The following EXOC3L4 variants were observed in gnomAD, a reference collection of about 807,000 sequenced individuals.
The protein encoded by EXOC3L4 is exocyst complex component 3 like 4, also known as exocyst complex component 3-like protein 4.
EXOC3L4 carries 62 observed loss-of-function variants against 69.7 expected under a neutral mutation model. That is an observed-to-expected ratio of 0.89 (90% CI 0.72 to 1.10). The LOEUF is 1.10. Among genes scored for constraint, EXOC3L4 ranks in the 50% least tolerant of loss-of-function variants. EXOC3L4 has a pLI of 0.00. For missense variants in EXOC3L4, 1,087 were observed against 1,034.8 expected (o/e 1.05, Z -0.69); for synonymous variants, 502 against 464.2 (o/e 1.08, Z -1.05).
At position 103,110,061 on chromosome 14, in the gene EXOC3L4, G is replaced by A; in HGVS notation, c.2007G>A (p.Leu669=). ...ACCACATACTGGCCATTCTGGCGCT[G>A]CGCCGACTGGGCCGCCAGCGGAACC... ...RRDHILAILA[L]RRLGRQRNQH... Residue 669 remains leucine (L), a synonymous_variant, in exon 12 of 12, where the codon CTG becomes CTA. Coordinates refer to ENST00000688303, the MANE Select transcript of EXOC3L4 (RefSeq NM_001077594.2). The A allele has an allele frequency of 6.2e-7, 1 of 1,600,856 alleles. No homozygotes were observed. Among genetic ancestry groups the A allele is most frequent in the Non-Finnish European group, 8.5e-7 (1 of 1,174,530 alleles).
At position 103,109,967 on chromosome 14, in the gene EXOC3L4, C is replaced by T. The variant is rs1890829748; in HGVS notation, c.1977-64C>T. 2.7e-6 allele frequency: 4 copies of T among 1,488,998 alleles called. No individual in the cohort carries two copies. In the African/African-American group the frequency reaches 5.6e-5, roughly 21 times the overall value. The allele number at this position is 1,488,998 out of a possible 1,614,324, so 92.2% of individuals were successfully genotyped here. A position where few individuals can be genotyped will look rare whatever the true frequency, so the allele number is the denominator to read the frequency against. On this transcript the variant is annotated intron_variant, in intron 11 of 11. Coordinates refer to ENST00000688303, the MANE Select transcript of EXOC3L4 (RefSeq NM_001077594.2). ...AACTCCCAAGCCCGTGGGTTCGCCT[C>T]ATGCTGGGGCTGGGGGTGTTGCGGA... is the stretch of plus-strand genomic sequence containing the variant.
rs1298984791 is a variant in EXOC3L4, at chr14:103,100,489, C to T, written c.270C>T (p.Ala90=). ...SCSLFRSFRQ[A]LNDGPATGHS... ...CCCTGTTCCGGTCCTTCCGGCAAGC[C>T]CTGAATGACGGCCCAGCTACCGGCC... The change falls in exon 2 of 12, where the codon GCC becomes GCT. Residue 90 remains alanine, a synonymous_variant. Transcript: ENST00000688303. The T allele has an allele frequency of 8.7e-6, 14 of 1,613,220 alleles. No homozygotes were observed. Among genetic ancestry groups the T allele is most frequent in the Non-Finnish European group, 1.0e-5 (12 of 1,179,956 alleles).
In EXOC3L4 at chr14:103,104,817, C is replaced by T; in HGVS notation, c.1364C>T (p.Ala455Val). The T allele has an allele frequency of 3.3e-6, 5 of 1,508,156 alleles. No homozygotes were observed. Among genetic ancestry groups the T allele is most frequent in the Non-Finnish European group, 4.5e-6 (5 of 1,121,818 alleles). 93.4% of individuals were successfully genotyped at this position (1,508,156 alleles called of 1,614,324 possible). Residue 455 changes from alanine to valine, a missense_variant, in exon 6 of 12, where the codon GCG becomes GTG. Transcript: ENST00000688303. Reference protein sequence around the residue: ...EATTLRICTRALGLFVPRFEK... With the variant: ...EATTLRICTRVLGLFVPRFEK... ...ACCACCCTGCGAATCTGCACGCGGGCGCTCGGCCTCTTCGTGCCCAGGTGC... is the reference window on the plus strand; with the variant it reads ...ACCACCCTGCGAATCTGCACGCGGGTGCTCGGCCTCTTCGTGCCCAGGTGC...
chr14:103,095,443 G>T (rs1212134895), intron 1 of EXOC3L4, among the ~76,000 whole-genome samples: 1 of 152,222 alleles, frequency 6.6e-6, no homozygotes, highest in African/African-American at 2.4e-5. Context: ...AAGGCTTCTT[G>T]GGGGAGGAGC....
At chr14:103,105,459 G>T (rs567890797) in intron 7 of EXOC3L4, among the ~76,000 whole-genome samples, 5 of 151,934 alleles carry the variant, frequency 3.3e-5, no homozygotes, top group African/African-American at 1.2e-4. Flanking sequence ...GCCTAGATGC[G>T]TGTGTCTTGT....
At position 103,110,324 on chromosome 14, in the gene EXOC3L4, C is replaced by T; in HGVS notation, c.*101C>T. 7.4e-7 allele frequency: 1 copy of T among 1,344,990 alleles called. No individual in the cohort carries two copies. The highest frequency in any genetic ancestry group is 1.3e-5 in the South Asian group (1 of 78,974). 83.3% of individuals were successfully genotyped at this position (1,344,990 alleles called of 1,614,324 possible). On this transcript the variant is annotated 3_prime_UTR_variant, in exon 12 of 12. Coordinates refer to ENST00000688303, the MANE Select transcript of EXOC3L4 (RefSeq NM_001077594.2). Reference sequence around the variant, plus strand: ...GTCACTCTGGGCCCTGCCCCCAACTCTGACACTGCAGTTAGGGAATTTTTG... The same window carrying T: ...GTCACTCTGGGCCCTGCCCCCAACTTTGACACTGCAGTTAGGGAATTTTTG...
At position 103,100,427 on chromosome 14, in the gene EXOC3L4, A is replaced by ACCC. The variant is rs1890107698; in HGVS notation, c.208_209insCCC (p.Lys70delinsThrGln). The ACCC allele has an allele frequency of 5.6e-6, 9 of 1,613,036 alleles. No individual in the cohort carries two copies. Among genetic ancestry groups the ACCC allele is most frequent in the Non-Finnish European group, 7.6e-6 (9 of 1,179,812 alleles). The stretch of plus-strand genomic sequence containing the variant: ...CCAGCGGGCTTTGACCCAGGTCTCC[A>ACCC]AGGAAGATACGGGCCTGTTCCGGCG... On this transcript the variant is annotated protein_altering_variant, in exon 2 of 12. Transcript: ENST00000688303.
chr14:103,101,151 C>T (rs567615472), intron 2 of EXOC3L4, among the ~76,000 whole-genome samples: 9 of 152,080 alleles, frequency 5.9e-5, no homozygotes, highest in Non-Finnish European at 1.3e-4. Flanking sequence ...CGCGATCCGC[C>T]CCCTCAGCCT....
rs1200295508 is a variant in EXOC3L4, at chr14:103,097,887, G to A, written c.-16-2317G>A. Among the ~76,000 whole-genome samples the A allele has an allele frequency of 6.6e-6, 1 of 152,128 alleles. No individual in the cohort carries two copies. Among genetic ancestry groups the A allele is most frequent in the Admixed American group, 6.5e-5 (1 of 15,278 alleles). On this transcript the variant is annotated intron_variant, in intron 1 of 11. Transcript: ENST00000688303. This position sits in a 1 kb window ranked among gnomAD's most constrained non-coding sequence, Gnocchi z 4.9. The stretch of plus-strand genomic sequence containing the variant: ...CGTGAACCCCAGGGGAAGCTGGTGA[G>A]GTGTCATCAGCGGGAGGTGGGGGGT...
chr14:103,102,840 G>A (rs1890288113), intron 3 of EXOC3L4, 68 bp downstream of exon 3: 2 of 1,291,892 alleles, frequency 1.5e-6, no homozygotes, highest in East Asian at 3.1e-5. Flanking sequence ...TTGGGGAGCC[G>A]GCTTTGAGGA....
intron 4 of EXOC3L4, 43 bp downstream of exon 4, chr14:103,104,095 G>A: frequency 6.7e-7 from 1 of 1,497,076 alleles, no homozygotes; most frequent in Non-Finnish European, 8.9e-7. Context: ...GGCTGGAGGG[G>A]GCGGGCCCTG....
In EXOC3L4 at chr14:103,107,684, G is replaced by A. The variant is rs368192513; in HGVS notation, c.1755G>A (p.Ala585=). The A allele has an allele frequency of 3.8e-6, 6 of 1,558,862 alleles. No homozygotes were observed. Among genetic ancestry groups the A allele is most frequent in the African/African-American group, 1.4e-5 (1 of 73,546 alleles). The change falls in exon 10 of 12, where the codon GCG becomes GCA. Residue 585 remains alanine, a synonymous_variant. Coordinates refer to ENST00000688303, the MANE Select transcript of EXOC3L4 (RefSeq NM_001077594.2). ...TGGTCCGCGAGTACCTGGCGCGGGC[G>A]CTGAGGCCACGGGAGCGGTTCCGGG... ...RFVVREYLAR[A]LRPRERFRGM...
Position 103,102,571 on chromosome 14 carries a change from G to T in EXOC3L4, c.848G>T (p.Gly283Val). Residue 283 changes from glycine to valine, a missense_variant, in exon 3 of 12, where the codon GGT (glycine) becomes GTT (valine). Physicochemically the swap from Gly to Val is moderately radical, Grantham distance 109. Coordinates refer to ENST00000688303, the MANE Select transcript of EXOC3L4 (RefSeq NM_001077594.2). ...TTGGCCCAGCTTCTGGCCGAGCTGG[G>T]TGGCTTGGTTCGCCGCGACCTGCAG... is the stretch of plus-strand genomic sequence containing the variant. ...SGLAQLLAEL[G>V]GLVRRDLQKV... 1 of 1,459,690 alleles carries T rather than the reference G, an allele frequency of 6.9e-7. No homozygotes were observed. The allele number at this position is 1,459,690 out of a possible 1,614,324, so 90.4% of individuals were successfully genotyped here.
Position 103,097,458 on chromosome 14 carries a change from G to A in EXOC3L4, c.-17+2618G>A, listed in dbSNP as rs1013295000. Among the ~76,000 whole-genome samples, 10 of 152,138 alleles carry A rather than the reference G, an allele frequency of 6.6e-5. No individual in the cohort carries two copies. The highest frequency in any genetic ancestry group is 2.4e-4 in the African/African-American group (10 of 41,414). Reference sequence around the variant, plus strand: ...AGGCAGGCACAGGGACAGGCCAGGCGAGAGCCTTGGGAGGTGGAGGGGGGA... The same window carrying A: ...AGGCAGGCACAGGGACAGGCCAGGCAAGAGCCTTGGGAGGTGGAGGGGGGA... On this transcript the variant is annotated intron_variant, in intron 1 of 11. Transcript: ENST00000688303. This position sits in a 1 kb window ranked among gnomAD's most constrained non-coding sequence, Gnocchi z 4.9.
In EXOC3L4 at chr14:103,110,499, CA is replaced by C. The variant is rs749401052; in HGVS notation, c.*277del. 68 of 584,152 alleles carry C rather than the reference CA, an allele frequency of 1.2e-4. No homozygotes were observed. The highest frequency in any genetic ancestry group is 1.1e-3 in the South Asian group (65 of 60,584). 36.2% of individuals were successfully genotyped at this position (584,152 alleles called of 1,614,324 possible). A position where few individuals can be genotyped will look rare whatever the true frequency, so the allele number is the denominator to read the frequency against. ...GGCCTCCCGCCCGACTGTCCAGCTT[CA>C]CCCTCCAGTCTGAAAGTGAAGAGCA... On this transcript the variant is annotated 3_prime_UTR_variant, in exon 12 of 12. Transcript: ENST00000688303.
chr14:103,097,478 G>A lies in EXOC3L4; in HGVS notation c.-17+2638G>A, dbSNP rs951438924. 3.3e-5 allele frequency among the ~76,000 whole-genome samples: 5 copies of A among 152,136 alleles called. No homozygotes were observed. Among genetic ancestry groups the A allele is most frequent in the Non-Finnish European group, 7.4e-5 (5 of 68,000 alleles). ...CAGGCGAGAGCCTTGGGAGGTGGAG[G>A]GGGGAGTTGAGAGGGGCCTTCAGGT... On this transcript the variant is annotated intron_variant, in intron 1 of 11. Coordinates refer to ENST00000688303, the MANE Select transcript of EXOC3L4 (RefSeq NM_001077594.2). This position sits in a 1 kb window ranked among gnomAD's most constrained non-coding sequence, Gnocchi z 4.9.
At position 103,110,523 on chromosome 14, in the gene EXOC3L4, G is replaced by T; in HGVS notation, c.*300G>T. On this transcript the variant is annotated 3_prime_UTR_variant, in exon 12 of 12. Transcript: ENST00000688303. ...TCACCCTCCAGTCTGAAAGTGAAGA[G>T]CAGAGTATTTATTTAAAAAATAAAT... 1 of 506,870 alleles carries T rather than the reference G, an allele frequency of 2.0e-6. No homozygotes were observed. The highest frequency in any genetic ancestry group is 3.6e-6 in the Non-Finnish European group (1 of 275,544). 31.4% of individuals were successfully genotyped at this position (506,870 alleles called of 1,614,324 possible).
chr14:103,108,317 A>G (rs1400323982), intron 10 of EXOC3L4, 79 bp from the exon 11 acceptor site: 10 of 1,568,698 alleles, frequency 6.4e-6, no homozygotes, highest in Non-Finnish European at 7.8e-6. Flanking sequence ...CTGACCTCGC[A>G]CTGACCTCGC....
chr14:103,100,243 T>C lies in EXOC3L4; in HGVS notation c.24T>C (p.Thr8=), dbSNP rs750886888. ...AGATGCCATCACCACAGACAGACAC[T>C]CCTGGGCCGGAGCTGCAGAGTCCCA... The part of the protein sequence containing the change: MPSPQTD[T]PGPELQSPKE... The change falls in exon 2 of 12, where the codon ACT becomes ACC. Residue 8 remains threonine, a synonymous_variant. Coordinates refer to ENST00000688303, the MANE Select transcript of EXOC3L4 (RefSeq NM_001077594.2). 3.2e-6 allele frequency: 5 copies of C among 1,582,666 alleles called. No individual in the cohort carries two copies. The highest frequency in any genetic ancestry group is 4.3e-6 in the Non-Finnish European group (5 of 1,162,980).
Sources: allele counts gnomAD v4.1 joint callset (sites outside exome capture counted in the v4.1 genomes callset), GRCh38; gene constraint gnomAD v4.1.1; non-coding constraint Gnocchi (gnomAD v3.1); transcripts MANE v1.5; gene names NCBI Gene and HGNC (gene_info 2026-07-23, HGNC 2026-07-21).